The following RAB11FIP3 variants were observed in gnomAD, a reference collection of about 807,000 sequenced individuals.
The protein encoded by RAB11FIP3 is rab11 family-interacting protein 3.
A neutral mutation model predicts 77.8 loss-of-function variants in RAB11FIP3; 17 were observed. The observed-to-expected ratio is 0.22, with a 90% confidence interval of 0.15 to 0.33. RAB11FIP3 has a LOEUF of 0.33. Ranked by LOEUF, RAB11FIP3 falls within the 10% of genes least tolerant of loss-of-function variation. The pLI is 1.00. For synonymous variants in RAB11FIP3, 437 were observed against 448.2 expected, an observed-to-expected ratio of 0.98 and a Z score of 0.31; for missense variants, 1,005 against 1,011.2, an observed-to-expected ratio of 0.99 and a Z score of 0.08.
chr16:504,109 TCACCTCCTCCTGTACCCCCC>T (rs2031695427), intron 7 of RAB11FIP3, among the ~76,000 whole-genome samples: 1 of 42,614 alleles, frequency 2.3e-5, no homozygotes, highest in Admixed American at 2.6e-4. Context: ...CTGTACCCCC[TCACCTCCTCCTGTACCCCCC>T]CACCTCCTCC....
chr16:511,860 G>T (rs1281075551), intron 9 of RAB11FIP3, among the ~76,000 whole-genome samples: 1 of 139,904 alleles, frequency 7.1e-6, no homozygotes, highest in Non-Finnish European at 1.5e-5. Flanking sequence ...GAACCTGCAG[G>T]CCAGGTAGGA....
chr16:510,294 G>A (rs1276578887), intron 8 of RAB11FIP3, among the ~76,000 whole-genome samples: 2 of 152,262 alleles, frequency 1.3e-5, no homozygotes, highest in Non-Finnish European at 2.9e-5. Context: ...GTGTGTAGTG[G>A]CTGCAGGTGG....
chr16:425,728 GC>G lies in RAB11FIP3; in HGVS notation c.-274del. 3.1e-6 allele frequency: 1 copy of G among 321,086 alleles called. No individual in the cohort carries two copies. Among genetic ancestry groups the G allele is most frequent in the Non-Finnish European group, 5.7e-6 (1 of 176,170 alleles). 19.9% of individuals were successfully genotyped at this position (321,086 alleles called of 1,614,324 possible). On this transcript the variant is annotated 5_prime_UTR_variant, in exon 1 of 14. Transcript: ENST00000262305. ...CGGCCCCCGTCCCCCGGCCTCCTCG[GC>G]CCCCGTCCCCCGCCATCCGCCGCCC...
At chr16:464,473 G>C (rs1462226373) in intron 2 of RAB11FIP3, among the ~76,000 whole-genome samples, 3 of 152,174 alleles carry the variant, frequency 2.0e-5, no homozygotes, top group Non-Finnish European at 4.4e-5. Flanking sequence ...GGAAAGTCTG[G>C]TTCTCCTCAG....
chr16:494,798 GC>G (rs1441720211), intron 5 of RAB11FIP3, among the ~76,000 whole-genome samples: 101 of 151,288 alleles, frequency 6.7e-4, no homozygotes, highest in African/African-American at 2.4e-3. Flanking sequence ...GGAGGTCGAG[GC>G]TGCAGAGGTG....
At chr16:491,856 AG>A (rs1215440195) in intron 5 of RAB11FIP3, among the ~76,000 whole-genome samples, 1 of 152,200 alleles carries the variant, frequency 6.6e-6, no homozygotes, top group Non-Finnish European at 1.5e-5. Context: ...GCTCTCCAGA[AG>A]GGTCTGGTGA....
At chr16:474,480 C>T (rs1025905205) in intron 3 of RAB11FIP3, among the ~76,000 whole-genome samples, 6 of 152,060 alleles carry the variant, frequency 3.9e-5, no homozygotes, top group East Asian at 1.9e-4. Flanking sequence ...TGTGGCGCCG[C>T]TGAGTTCCTG....
At chr16:436,705 A>C (rs1295386174) in intron 1 of RAB11FIP3, among the ~76,000 whole-genome samples, 1 of 152,030 alleles carries the variant, frequency 6.6e-6, no homozygotes, top group Non-Finnish European at 1.5e-5. Flanking sequence ...GCTAAGCTCA[A>C]AGGATCTGCC....
chr16:494,836 G>C (rs1160801359), intron 5 of RAB11FIP3, among the ~76,000 whole-genome samples: 10 of 151,716 alleles, frequency 6.6e-5, no homozygotes, highest in Admixed American at 2.0e-4. Context: ...CTGGGAGGTC[G>C]AGGCTGCAGA....
intron 3 of RAB11FIP3, chr16:475,156 A>T: frequency 1.3e-6 from 2 of 1,498,844 alleles, no homozygotes; most frequent in Non-Finnish European, 1.8e-6. Flanking sequence ...TGGTGGAGAG[A>T]GGCTCAGGGA....
At chr16:498,812 C>T (rs1383123475) in intron 6 of RAB11FIP3, among the ~76,000 whole-genome samples, 2 of 148,546 alleles carry the variant, frequency 1.3e-5, no homozygotes, top group Admixed American at 6.7e-5. Flanking sequence ...ACTTGTTTTC[C>T]ATTTTCTGTC....
chr16:429,816 C>A (rs1440876118), intron 1 of RAB11FIP3, among the ~76,000 whole-genome samples: 1 of 152,064 alleles, frequency 6.6e-6, no homozygotes, highest in Non-Finnish European at 1.5e-5. Context: ...TAATTTTTAT[C>A]AAATTTTCAG....
At position 488,843 on chromosome 16, in the gene RAB11FIP3, C is replaced by T; in HGVS notation, c.1116-8C>T. On this transcript the variant is annotated splice_region_variant and splice_polypyrimidine_tract_variant and intron_variant, in intron 4 of 13. Coordinates refer to ENST00000262305, the MANE Select transcript of RAB11FIP3 (RefSeq NM_014700.4). The stretch of plus-strand genomic sequence containing the variant: ...GTCAGAAGACATCATTTCTGTTTTA[C>T]TTTGCAGGCCTCACCCCCATGGCCA... 6.2e-7 allele frequency: 1 copy of T among 1,612,182 alleles called. No homozygotes were observed. Among genetic ancestry groups the T allele is most frequent in the Non-Finnish European group, 8.5e-7 (1 of 1,178,898 alleles).
At position 505,250 on chromosome 16, in the gene RAB11FIP3, G is replaced by A. The variant is rs1011952608; in HGVS notation, c.1396-274G>A. ...GCTGAGTCTTGCTGCCCACCAGCCAGCCAGTCCAAAGGCACCCCTGGGCCC... is the reference window on the plus strand; with the variant it reads ...GCTGAGTCTTGCTGCCCACCAGCCAACCAGTCCAAAGGCACCCCTGGGCCC... On this transcript the variant is annotated intron_variant, in intron 7 of 13. Transcript: ENST00000262305. This position sits in a 1 kb window ranked among gnomAD's most constrained non-coding sequence, Gnocchi z 4.0. 6.6e-6 allele frequency among the ~76,000 whole-genome samples: 1 copy of A among 152,032 alleles called. No individual in the cohort carries two copies. The highest frequency in any genetic ancestry group is 2.4e-5 in the African/African-American group (1 of 41,408).
chr16:492,512 G>A (rs112668613), intron 5 of RAB11FIP3, among the ~76,000 whole-genome samples: 2,335 of 43,498 alleles, frequency 0.054, 129 homozygotes, highest in African/African-American at 0.13. Context: ...GGCCGCCCAG[G>A]GCCCTCCCGG....
Position 461,568 on chromosome 16 carries a change from T to C in RAB11FIP3, c.808+71T>C. 7.9e-7 allele frequency: 1 copy of C among 1,271,174 alleles called. No homozygotes were observed. Among genetic ancestry groups the C allele is most frequent in the Non-Finnish European group, 1.1e-6 (1 of 874,452 alleles). 78.7% of individuals were successfully genotyped at this position (1,271,174 alleles called of 1,614,324 possible). A position where few individuals can be genotyped will look rare whatever the true frequency, so the allele number is the denominator to read the frequency against. On this transcript the variant is annotated intron_variant, in intron 2 of 13. Coordinates refer to ENST00000262305, the MANE Select transcript of RAB11FIP3 (RefSeq NM_014700.4). This position sits in a 1 kb window ranked among gnomAD's most constrained non-coding sequence, Gnocchi z 4.5. ...AGCCACCCTCTCAGCCACCTGCACA[T>C]CACCAGGCTCCTCGTGCTGACTCTA...
Position 471,149 on chromosome 16 carries a change from T to G in RAB11FIP3, c.809-146T>G, listed in dbSNP as rs2055800335. 3.1e-6 allele frequency: 2 copies of G among 649,580 alleles called. No individual in the cohort carries two copies. Among genetic ancestry groups the G allele is most frequent in the Non-Finnish European group, 5.5e-6 (2 of 364,062 alleles). 40.2% of individuals were successfully genotyped at this position (649,580 alleles called of 1,614,324 possible). The stretch of plus-strand genomic sequence containing the variant: ...CCCTGGATTTCTCATGCTCACTCCC[T>G]TGCTTGTCTTGACCCCCCCCAGGGC... On this transcript the variant is annotated intron_variant, in intron 2 of 13. Coordinates refer to ENST00000262305, the MANE Select transcript of RAB11FIP3 (RefSeq NM_014700.4). The surrounding 1 kb of genome is among the most constrained non-coding windows in gnomAD (Gnocchi z 4.4).
At chr16:432,546 T>C (rs1596181408) in intron 1 of RAB11FIP3, among the ~76,000 whole-genome samples, 1 of 151,960 alleles carries the variant, frequency 6.6e-6, no homozygotes, top group Admixed American at 6.6e-5. Context: ...ATAAATGTTA[T>C]AATTTGCATG....
intron 3 of RAB11FIP3, chr16:474,990 G>T (rs761452688): frequency 6.4e-7 from 1 of 1,551,582 alleles, no homozygotes; most frequent in African/African-American, 1.4e-5. Flanking sequence ...CCAGTGACCC[G>T]GTTGGGACGG....
Sources: gnomAD v4.1 joint callset for allele counts (sites outside exome capture counted in the v4.1 genomes callset) on GRCh38, gnomAD v4.1.1 for gene constraint, Gnocchi (gnomAD v3.1) non-coding constraint, MANE v1.5 for transcripts, NCBI Gene and HGNC (gene_info 2026-07-23, HGNC 2026-07-21) for gene names.